The following GLIS1 variants were observed in gnomAD, a reference collection of about 807,000 sequenced individuals.
GLIS1 encodes GLIS family zinc finger 1, also known as zinc finger protein GLIS1.
Under a neutral mutation model 63.8 loss-of-function variants are expected in GLIS1, and 24 were observed. The ratio of observed to expected loss-of-function variants is 0.38; its 90% CI spans 0.27 to 0.53. The LOEUF is 0.53. Among genes scored for constraint, GLIS1 ranks in the 20% least tolerant of loss-of-function variants. The probability of loss-of-function intolerance (pLI) is 0.85; values close to 1 mark genes in which losing one functional copy is unlikely to be tolerated. For synonymous variants in GLIS1, 450 were observed against 482.5 expected (o/e 0.93, Z 0.88); for missense variants, 1,036 against 1,074.1 (o/e 0.96, Z 0.50).
chr1:53,618,350 A>C (rs1645504718), intron 2 of GLIS1, among the ~76,000 whole-genome samples: 1 of 152,224 alleles, frequency 6.6e-6, no homozygotes, highest in African/African-American at 2.4e-5. Flanking sequence ...TGCTAGAAAG[A>C]TGAGAGATAA....
At chr1:53,617,539 T>G (rs1429464921) in intron 2 of GLIS1, among the ~76,000 whole-genome samples, 1 of 152,228 alleles carries the variant, frequency 6.6e-6, no homozygotes, top group Non-Finnish European at 1.5e-5. Flanking sequence ...GCCACGCTAC[T>G]TGTGACATCT....
In GLIS1 at chr1:53,516,471, G is replaced by A. The variant is rs1471103409; in HGVS notation, c.1727-1690C>T. On this transcript the variant is annotated intron_variant, in intron 7 of 10. Transcript: ENST00000628545. ...ATGAAACTGCACGGATTAACAAGGG[G>A]AGCAGCAGGGCCTGTGGCAAAGGGG... is the stretch of plus-strand genomic sequence containing the variant. Among the ~76,000 whole-genome samples, 4 of 152,052 alleles carry A rather than the reference G, an allele frequency of 2.6e-5. No homozygotes were observed. In the South Asian group the frequency reaches 6.3e-4, roughly 24 times the overall value.
intron 4 of GLIS1, among the ~76,000 whole-genome samples, chr1:53,553,022 G>A (rs541578473): frequency 4.6e-5 from 7 of 152,202 alleles, no homozygotes; most frequent in Non-Finnish European, 1.0e-4. Flanking sequence ...ACTGTGTCAG[G>A]TGCATAGCTG....
chr1:53,529,135 G>A (rs896801498), intron 5 of GLIS1, among the ~76,000 whole-genome samples: 6 of 152,178 alleles, frequency 3.9e-5, no homozygotes, highest in South Asian at 2.1e-4. Flanking sequence ...CTCTATTAAC[G>A]GCACATGGAG....
chr1:53,633,534 T>C lies in GLIS1; in HGVS notation c.260-33256A>G, dbSNP rs1645692698. 2.0e-5 allele frequency among the ~76,000 whole-genome samples: 3 copies of C among 151,812 alleles called. No individual in the cohort carries two copies. In the South Asian group the frequency reaches 6.2e-4, roughly 32 times the overall value. On this transcript the variant is annotated intron_variant, in intron 2 of 10. Transcript: ENST00000628545. ...TGAGTGTGACTGAAGTGCGTGTGAA[T>C]GTGTGTGACGGGGGACCACAGAGGG...
At chr1:53,607,579 C>T (rs1381218254) in intron 2 of GLIS1, among the ~76,000 whole-genome samples, 1 of 152,208 alleles carries the variant, frequency 6.6e-6, no homozygotes, top group Non-Finnish European at 1.5e-5. Flanking sequence ...GAGTAAGGGA[C>T]TTGCCCAAGG....
intron 4 of GLIS1, among the ~76,000 whole-genome samples, chr1:53,592,359 T>C (rs1360174091): frequency 6.6e-6 from 1 of 152,158 alleles, no homozygotes; most frequent in Non-Finnish European, 1.5e-5. Flanking sequence ...AGAAGCCAGG[T>C]GTAAGCCAGT....
In GLIS1 at chr1:53,539,252, A is replaced by G. The variant is rs1207661597; in HGVS notation, c.1321-9300T>C. Among the ~76,000 whole-genome samples the G allele has an allele frequency of 1.7e-5, 1 of 58,624 alleles. No individual in the cohort carries two copies. Among genetic ancestry groups the G allele is most frequent in the Non-Finnish European group, 5.4e-5 (1 of 18,356 alleles). 38.5% of individuals were successfully genotyped at this position (58,624 alleles called of 152,430 possible). A position where few individuals can be genotyped will look rare whatever the true frequency, so the allele number is the denominator to read the frequency against. ...AACACACACACATGGATTCACACAC[A>G]CACACACACCAAGACCCAGAAACTC... On this transcript the variant is annotated intron_variant, in intron 4 of 10. Coordinates refer to ENST00000628545, the MANE Select transcript of GLIS1 (RefSeq NM_001367484.1). This position sits in a 1 kb window ranked among gnomAD's most constrained non-coding sequence, Gnocchi z 5.0.
chr1:53,703,044 C>T (rs1445525811), intron 2 of GLIS1, among the ~76,000 whole-genome samples: 3 of 152,234 alleles, frequency 2.0e-5, no homozygotes, highest in African/African-American at 7.2e-5. Context: ...CTGCCACTCG[C>T]CAGCATGGGC....
chr1:53,536,001 C>G (rs981887155), intron 4 of GLIS1, among the ~76,000 whole-genome samples: 4 of 152,096 alleles, frequency 2.6e-5, no homozygotes, highest in Admixed American at 6.5e-5. Context: ...TCCACGCTTC[C>G]CGACCCGATG....
intron 2 of GLIS1, among the ~76,000 whole-genome samples, chr1:53,655,583 G>A (rs578205538): frequency 6.6e-6 from 1 of 152,280 alleles, no homozygotes; most frequent in East Asian, 1.9e-4. Flanking sequence ...ATTATACCAA[G>A]AGTGAGATGC....
rs1057294609 is a variant in GLIS1 at position 53,511,688 on chromosome 1, T to C, written c.1884-1661A>G. ...AGGCCTGTCTTGTGGGGTGATCAAGTGGGACAGCGTCTTCCTCTATGCACT... is the reference window on the plus strand; with the variant it reads ...AGGCCTGTCTTGTGGGGTGATCAAGCGGGACAGCGTCTTCCTCTATGCACT... On this transcript the variant is annotated intron_variant, in intron 8 of 10. Coordinates refer to ENST00000628545, the MANE Select transcript of GLIS1 (RefSeq NM_001367484.1). This position sits in a 1 kb window ranked among gnomAD's most constrained non-coding sequence, Gnocchi z 4.2. Among the ~76,000 whole-genome samples the C allele has an allele frequency of 6.6e-6, 1 of 152,142 alleles. No individual in the cohort carries two copies. The highest frequency in any genetic ancestry group is 1.5e-5 in the Non-Finnish European group (1 of 68,004).
At chr1:53,634,405 G>A (rs760270630) in intron 2 of GLIS1, among the ~76,000 whole-genome samples, 1 of 152,220 alleles carries the variant, frequency 6.6e-6, no homozygotes, top group Admixed American at 6.5e-5. Flanking sequence ...TCAGGGAGTT[G>A]AGGAAGAGTA....
intron 2 of GLIS1, among the ~76,000 whole-genome samples, chr1:53,700,276 GC>G (rs1646509469): frequency 6.6e-6 from 1 of 151,890 alleles, no homozygotes; most frequent in South Asian, 2.1e-4. Context: ...CCTCATCACA[GC>G]CCTGTGCCAC....
intron 5 of GLIS1, 53 bp from the exon 6 acceptor site, chr1:53,524,940 C>A: frequency 7.5e-7 from 1 of 1,326,530 alleles, no homozygotes; most frequent in African/African-American, 1.4e-5. Flanking sequence ...CTACGGGACA[C>A]GCGCCTCCGC....
chr1:53,670,817 G>A (rs886221609), intron 2 of GLIS1, among the ~76,000 whole-genome samples: 1 of 152,240 alleles, frequency 6.6e-6, no homozygotes, highest in African/African-American at 2.4e-5. Flanking sequence ...CCTGACCCAT[G>A]GGAGGAGCTT....
intron 4 of GLIS1, among the ~76,000 whole-genome samples, chr1:53,563,220 G>C (rs909031850): frequency 6.6e-6 from 1 of 152,342 alleles, no homozygotes; most frequent in Non-Finnish European, 1.5e-5. Context: ...AAACACATGA[G>C]GCAAGAAGAG....
At chr1:53,512,221 G>A (rs1259245349) in intron 8 of GLIS1, among the ~76,000 whole-genome samples, 1 of 152,036 alleles carries the variant, frequency 6.6e-6, no homozygotes, top group Admixed American at 6.5e-5. Context: ...CCTTTAAAAG[G>A]CAAAAAAGAT....
intron 4 of GLIS1, among the ~76,000 whole-genome samples, chr1:53,557,650 C>G (rs1441047188): frequency 6.6e-6 from 1 of 152,176 alleles, no homozygotes; most frequent in Non-Finnish European, 1.5e-5. Context: ...CACAGGGCAG[C>G]TCACATGGTG....
Sources: allele counts gnomAD v4.1 joint callset (sites outside exome capture counted in the v4.1 genomes callset), GRCh38; gene constraint gnomAD v4.1.1; non-coding constraint Gnocchi (gnomAD v3.1); transcripts MANE v1.5; gene names NCBI Gene and HGNC (gene_info 2026-07-23, HGNC 2026-07-21).